Variants in CHODL observed in about 807,000 individuals in gnomAD.
The protein encoded by CHODL is chondrolectin, also known as transmembrane protein MT75.
Under a neutral mutation model 34.5 loss-of-function variants are expected in CHODL, and 29 were observed. The ratio of observed to expected loss-of-function variants is 0.84; its 90% CI spans 0.63 to 1.15. The LOEUF (loss-of-function observed/expected upper bound fraction) is 1.15, where lower values mean the gene tolerates loss of function less well. Ranked by LOEUF, CHODL falls within the 50% of genes most tolerant of loss-of-function variation. The pLI, the probability that CHODL is intolerant of heterozygous loss-of-function variation, is 0.00. For synonymous variants in CHODL, 125 were observed against 116.1 expected (o/e 1.08, Z -0.49); for missense variants, 332 against 332.5 (o/e 1.00, Z 0.01).
intron 2 of CHODL, among the ~76,000 whole-genome samples, chr21:18,134,813 C>A (rs2072700730): frequency 6.6e-6 from 1 of 152,076 alleles, no homozygotes; most frequent in South Asian, 2.1e-4. Context: ...TTTGATCAAG[C>A]CATAAAGGAT....
chr21:18,102,165 A>C (rs2065223331), intron 2 of CHODL, among the ~76,000 whole-genome samples: 1 of 152,168 alleles, frequency 6.6e-6, no homozygotes, highest in East Asian at 1.9e-4. Context: ...CTAGAACTTC[A>C]GTCAAACTGA....
At chr21:17,979,963 G>A (rs1233494840) in intron 1 of CHODL, among the ~76,000 whole-genome samples, 1 of 152,030 alleles carries the variant, frequency 6.6e-6, no homozygotes, top group Non-Finnish European at 1.5e-5. Context: ...CTTCAAAAAT[G>A]TTCTATTCCA....
At chr21:18,123,077 C>T (rs1381026674) in intron 2 of CHODL, among the ~76,000 whole-genome samples, 2 of 152,182 alleles carry the variant, frequency 1.3e-5, no homozygotes, top group East Asian at 3.8e-4. Flanking sequence ...AGCCGAAACT[C>T]TTTCATGCAC....
At chr21:17,982,011 A>G (rs1367676360) in intron 1 of CHODL, among the ~76,000 whole-genome samples, 1 of 152,236 alleles carries the variant, frequency 6.6e-6, no homozygotes, top group African/African-American at 2.4e-5. Context: ...CCTAATATTT[A>G]ACAATGATAT....
intron 2 of CHODL, among the ~76,000 whole-genome samples, chr21:18,035,056 A>C (rs1442442977): frequency 4.6e-5 from 7 of 152,002 alleles, no homozygotes; most frequent in African/African-American, 1.7e-4. Context: ...GTCCTTTGCA[A>C]CATTTCAGGG....
chr21:18,205,778 C>T (rs1258512801), intron 2 of CHODL, among the ~76,000 whole-genome samples: 1 of 146,050 alleles, frequency 6.8e-6, no homozygotes, highest in Non-Finnish European at 1.5e-5. Context: ...ACTCTGTTGC[C>T]CAGGCTGGAG....
At chr21:17,937,599 T>C (rs2824563) in intron 1 of CHODL, among the ~76,000 whole-genome samples, 48,092 of 152,162 alleles carry the variant, frequency 0.32, 8,631 homozygotes, top group South Asian at 0.47. Context: ...ACATTTTATA[T>C]TCCTGTGGTT....
chr21:18,171,198 G>GTTTTTTTTTTTTT lies in CHODL; in HGVS notation c.-44-85304_-44-85292dup, dbSNP rs1177005708. On this transcript the variant is annotated intron_variant, in intron 2 of 6. Coordinates refer to the CHODL transcript ENST00000400127. ...TGTTCTTCAGACATGGTTTTCTTTA[G>GTTTTTTTTTTTTT]TTTTTTTTTTTTTTTTTTTGAGACG... is the stretch of plus-strand genomic sequence containing the variant. 1.2e-3 allele frequency among the ~76,000 whole-genome samples: 46 copies of GTTTTTTTTTTTTT among 37,070 alleles called. 16 individuals carry two copies. The highest frequency in any genetic ancestry group is 1.7e-3 in the African/African-American group (12 of 6,940). The allele number at this position is 37,070 out of a possible 152,430, so 24.3% of individuals were successfully genotyped here. A position where few individuals can be genotyped will look rare whatever the true frequency, so the allele number is the denominator to read the frequency against.
intron 2 of CHODL, among the ~76,000 whole-genome samples, chr21:18,125,591 A>C (rs2065532794): frequency 6.7e-6 from 1 of 149,718 alleles, no homozygotes. Context: ...AATTACATTT[A>C]ATTAATTAAT....
chr21:18,088,231 CAAG>C (rs1385200701), intron 2 of CHODL, among the ~76,000 whole-genome samples: 3 of 152,172 alleles, frequency 2.0e-5, no homozygotes, highest in Non-Finnish European at 4.4e-5. Flanking sequence ...GTAGTATGGG[CAAG>C]AAGATGTGGG....
intron 2 of CHODL, among the ~76,000 whole-genome samples, chr21:18,032,858 A>G (rs1232478993): frequency 6.6e-6 from 1 of 152,040 alleles, no homozygotes; most frequent in Non-Finnish European, 1.5e-5. Context: ...AGGTGACGGC[A>G]TGACATTTGC....
chr21:18,232,932 A>G (rs1246775939), intron 2 of CHODL, among the ~76,000 whole-genome samples: 1 of 104,496 alleles, frequency 9.6e-6, no homozygotes, highest in Non-Finnish European at 1.8e-5. Context: ...TGGGGTCCAC[A>G]TGATGTTATG....
intron 2 of CHODL, among the ~76,000 whole-genome samples, chr21:18,231,265 G>A (rs2073976039): frequency 2.0e-5 from 3 of 152,144 alleles, no homozygotes; most frequent in Admixed American, 2.0e-4. Flanking sequence ...AAAATGCTCA[G>A]GGTTTTGGAT....
At chr21:18,167,308 G>GTTTTT in intron 2 of CHODL, among the ~76,000 whole-genome samples, 3 of 113,218 alleles carry the variant, frequency 2.6e-5, no homozygotes, top group Admixed American at 9.9e-5. Flanking sequence ...TTTCTATTAA[G>GTTTTT]ATTTTTTTTT....
upstream of CHODL, among the ~76,000 whole-genome samples, chr21:18,242,807 T>C (rs937879996): frequency 6.6e-6 from 1 of 152,206 alleles, no homozygotes; most frequent in African/African-American, 2.4e-5. Flanking sequence ...GTTATTATTA[T>C]AGTTTGGGCT....
chr21:18,213,221 T>C (rs759651933), intron 2 of CHODL, among the ~76,000 whole-genome samples: 5 of 152,098 alleles, frequency 3.3e-5, no homozygotes, highest in Non-Finnish European at 7.4e-5. Context: ...ATTTGGACAT[T>C]TTCAACCTTT....
At chr21:18,146,804 A>G (rs534920470) in intron 2 of CHODL, among the ~76,000 whole-genome samples, 61 of 152,290 alleles carry the variant, frequency 4.0e-4, no homozygotes, top group African/African-American at 1.5e-3. Context: ...GTAAAGAAGA[A>G]TATTTTGGCA....
chr21:18,241,692 C>A (rs1346629631), upstream of CHODL, among the ~76,000 whole-genome samples: 2 of 152,092 alleles, frequency 1.3e-5, no homozygotes, highest in Non-Finnish European at 2.9e-5. Context: ...GAATTGCAGA[C>A]ATTTGAAAGT....
At chr21:18,048,886 T>C (rs2064478039) in intron 2 of CHODL, among the ~76,000 whole-genome samples, 1 of 151,926 alleles carries the variant, frequency 6.6e-6, no homozygotes, top group Non-Finnish European at 1.5e-5. Context: ...TCGAATATTA[T>C]TGGTTATAGA....
Sources: allele counts gnomAD v4.1 joint callset (sites outside exome capture counted in the v4.1 genomes callset), GRCh38; gene constraint gnomAD v4.1.1; transcripts MANE v1.5; gene names NCBI Gene and HGNC (gene_info 2026-07-23, HGNC 2026-07-21).